The following ZMAT4 variants were observed in gnomAD, a reference collection of about 807,000 sequenced individuals.
The protein encoded by ZMAT4 is zinc finger matrin-type 4.
ZMAT4 carries 17 observed loss-of-function variants against 28.7 expected under a neutral mutation model. The observed-to-expected ratio is 0.59, with a 90% CI of 0.41 to 0.89. The LOEUF is 0.89. Ranked by LOEUF, ZMAT4 falls within the 40% of genes least tolerant of loss-of-function variation. ZMAT4 has a pLI of 0.00. For missense variants in ZMAT4, 240 were observed against 283.8 expected (o/e 0.85, Z 1.11); for synonymous variants, 117 against 109.2 (o/e 1.07, Z -0.44).
chr8:40,595,942 G>A (rs1805082895), intron 5 of ZMAT4, among the ~76,000 whole-genome samples: 1 of 152,068 alleles, frequency 6.6e-6, no homozygotes, highest in Non-Finnish European at 1.5e-5. Context: ...AAATTAGCCA[G>A]GCATGGTGGT....
chr8:40,746,749 T>C (rs1659566156), intron 3 of ZMAT4, among the ~76,000 whole-genome samples: 1 of 152,208 alleles, frequency 6.6e-6, no homozygotes, highest in Admixed American at 6.5e-5. Context: ...CCGCACATGG[T>C]CTGGCTCCTA....
At chr8:40,660,170 C>G (rs1808121836) in intron 5 of ZMAT4, among the ~76,000 whole-genome samples, 1 of 152,088 alleles carries the variant, frequency 6.6e-6, no homozygotes, top group Non-Finnish European at 1.5e-5. Flanking sequence ...GTCTAGGAAC[C>G]CACTTATCTA....
At chr8:40,832,938 C>T (rs1816340348) in intron 1 of ZMAT4, among the ~76,000 whole-genome samples, 1 of 152,180 alleles carries the variant, frequency 6.6e-6, no homozygotes, top group Non-Finnish European at 1.5e-5. Flanking sequence ...TTTTTATTCC[C>T]TGAACCTTAA....
chr8:40,638,207 G>C (rs1187959643), intron 5 of ZMAT4, among the ~76,000 whole-genome samples: 1 of 152,176 alleles, frequency 6.6e-6, no homozygotes, highest in Non-Finnish European at 1.5e-5. Flanking sequence ...GAAAAGAGTA[G>C]ATTTTGAATG....
chr8:40,694,394 T>C (rs1809784990), intron 4 of ZMAT4, among the ~76,000 whole-genome samples: 1 of 152,312 alleles, frequency 6.6e-6, no homozygotes, highest in African/African-American at 2.4e-5. Context: ...TTTCTACGCG[T>C]GGTCTCCAGC....
chr8:40,595,392 A>C (rs77451237), intron 5 of ZMAT4, among the ~76,000 whole-genome samples: 24,680 of 152,156 alleles, frequency 0.16, 2,913 homozygotes, highest in East Asian at 0.57. Context: ...ATATGTATAC[A>C]CACCACACAG....
chr8:40,746,282 TTTC>T (rs1354595391), intron 3 of ZMAT4, among the ~76,000 whole-genome samples: 29 of 125,952 alleles, frequency 2.3e-4, no homozygotes, highest in Middle Eastern at 4.5e-3. Context: ...CCTTTCTTTC[TTTC>T]TTTTCTTTCT....
chr8:40,644,962 CCAA>C (rs1807234773), intron 5 of ZMAT4, among the ~76,000 whole-genome samples: 3 of 152,124 alleles, frequency 2.0e-5, no homozygotes, highest in Admixed American at 1.3e-4. Flanking sequence ...TATTAAATCG[CCAA>C]CAACAAGGAA....
intron 2 of ZMAT4, among the ~76,000 whole-genome samples, chr8:40,794,197 C>A (rs545033014): frequency 6.6e-5 from 10 of 151,992 alleles, no homozygotes; most frequent in Non-Finnish European, 1.5e-4. Context: ...GGATAACAAG[C>A]CTCACTTTCT....
At chr8:40,722,049 T>G (rs1319437069) in intron 3 of ZMAT4, among the ~76,000 whole-genome samples, 2 of 152,030 alleles carry the variant, frequency 1.3e-5, no homozygotes, top group Non-Finnish European at 2.9e-5. Flanking sequence ...ATTTAAATGT[T>G]AGACCTAAAA....
chr8:40,872,216 C>T (rs1817882343), intron 1 of ZMAT4, among the ~76,000 whole-genome samples: 3 of 152,204 alleles, frequency 2.0e-5, no homozygotes, highest in Non-Finnish European at 4.4e-5. Flanking sequence ...TGCATGCACA[C>T]ACGCACACAC....
At chr8:40,598,265 T>C (rs770251326) in intron 5 of ZMAT4, among the ~76,000 whole-genome samples, 3 of 152,202 alleles carry the variant, frequency 2.0e-5, no homozygotes, top group Non-Finnish European at 4.4e-5. Context: ...GTTACATAGG[T>C]ATGCATATGC....
intron 1 of ZMAT4, among the ~76,000 whole-genome samples, chr8:40,854,009 G>T (rs1047737030): frequency 7.2e-5 from 11 of 152,132 alleles, no homozygotes; most frequent in African/African-American, 2.7e-4. Flanking sequence ...GAAGGTGAAG[G>T]GGGAGCAGTG....
intron 2 of ZMAT4, among the ~76,000 whole-genome samples, chr8:40,772,902 C>G (rs890282710): frequency 6.6e-6 from 1 of 152,154 alleles, no homozygotes; most frequent in Non-Finnish European, 1.5e-5. Flanking sequence ...ATCTAGAACA[C>G]GGGTTCCTGC....
intron 1 of ZMAT4, among the ~76,000 whole-genome samples, chr8:40,840,504 CTG>C (rs1816663736): frequency 1.3e-5 from 2 of 152,184 alleles, no homozygotes; most frequent in East Asian, 1.9e-4. Context: ...CAAACCCTGA[CTG>C]TGGCATTTCT....
chr8:40,853,973 G>A (rs1817208394), intron 1 of ZMAT4, among the ~76,000 whole-genome samples: 1 of 152,282 alleles, frequency 6.6e-6, no homozygotes, highest in South Asian at 2.1e-4. Context: ...TTCTAGTGAG[G>A]CTTCAGGACA....
chr8:40,622,482 G>A (rs780717782), intron 5 of ZMAT4, among the ~76,000 whole-genome samples: 2 of 152,230 alleles, frequency 1.3e-5, no homozygotes, highest in Non-Finnish European at 2.9e-5. Flanking sequence ...GTTACCAACT[G>A]GGTGAAGTTG....
intron 1 of ZMAT4, among the ~76,000 whole-genome samples, chr8:40,839,426 T>C (rs1816615912): frequency 6.6e-6 from 1 of 152,202 alleles, no homozygotes; most frequent in South Asian, 2.1e-4. Flanking sequence ...TACATTTAAG[T>C]ACAGATTCCA....
At chr8:40,841,207 C>T (rs979845970) in intron 1 of ZMAT4, among the ~76,000 whole-genome samples, 1 of 152,222 alleles carries the variant, frequency 6.6e-6, no homozygotes, top group Non-Finnish European at 1.5e-5. Flanking sequence ...AAATGAGGAG[C>T]TGGCCCCAGT....
Sources: gnomAD v4.1 joint callset for allele counts (sites outside exome capture counted in the v4.1 genomes callset) on GRCh38, gnomAD v4.1.1 for gene constraint, MANE v1.5 for transcripts, NCBI Gene and HGNC (gene_info 2026-07-23, HGNC 2026-07-21) for gene names.